DLGAP2: variants seen among roughly 807,000 people sequenced by gnomAD.
The protein encoded by DLGAP2 is disks large-associated protein 2.
Under a neutral mutation model 100.3 loss-of-function variants are expected in DLGAP2, and 26 were observed. The ratio of observed to expected loss-of-function variants is 0.26; its 90% CI spans 0.19 to 0.36. DLGAP2 has a LOEUF of 0.36. DLGAP2 is among the 10% of genes least tolerant of loss of function. The probability of loss-of-function intolerance (pLI) is 1.00; values close to 1 mark genes in which losing one functional copy is unlikely to be tolerated. For synonymous variants in DLGAP2, 886 were observed against 630.1 expected, an observed-to-expected ratio of 1.41 and a Z score of -6.08; for missense variants, 1,858 against 1,453.2, an observed-to-expected ratio of 1.28 and a Z score of -4.53.
At chr8:1,461,602 G>A (rs1466238679) in intron 3 of DLGAP2, among the ~76,000 whole-genome samples, 25 of 47,648 alleles carry the variant, frequency 5.2e-4, no homozygotes, top group African/African-American at 1.7e-3. Context: ...TGTCACGTGG[G>A]CTGGGTGCAG....
chr8:950,630 T>C (rs1799455318), intron 2 of DLGAP2, among the ~76,000 whole-genome samples: 1 of 149,114 alleles, frequency 6.7e-6, no homozygotes, highest in African/African-American at 2.5e-5. Flanking sequence ...TTCTTTTTTT[T>C]TTTTTTTTTG....
At chr8:1,153,849 C>G (rs554479956) in intron 2 of DLGAP2, among the ~76,000 whole-genome samples, 15 of 152,290 alleles carry the variant, frequency 9.8e-5, no homozygotes, top group African/African-American at 3.6e-4. Flanking sequence ...ATAAATGCAT[C>G]TAGCACTTTC....
chr8:1,079,483 G>A (rs1442699618), intron 2 of DLGAP2, among the ~76,000 whole-genome samples: 1 of 152,170 alleles, frequency 6.6e-6, no homozygotes, highest in East Asian at 1.9e-4. Flanking sequence ...GTTGCTTACT[G>A]AGAAACAGAT....
At chr8:1,196,242 T>C (rs1344524601) in intron 2 of DLGAP2, among the ~76,000 whole-genome samples, 2 of 152,216 alleles carry the variant, frequency 1.3e-5, no homozygotes, top group African/African-American at 2.4e-5. Flanking sequence ...AGGCCACGTT[T>C]CACTGTGTGT....
intron 2 of DLGAP2, among the ~76,000 whole-genome samples, chr8:935,420 G>A (rs1456160522): frequency 6.6e-6 from 1 of 152,216 alleles, no homozygotes; most frequent in Non-Finnish European, 1.5e-5. Flanking sequence ...AAACACATGT[G>A]AAGTAGCTTA....
At chr8:1,164,683 T>C (rs1458864521) in intron 2 of DLGAP2, among the ~76,000 whole-genome samples, 1 of 152,216 alleles carries the variant, frequency 6.6e-6, no homozygotes, top group Admixed American at 6.5e-5. Context: ...CTGCATTCTC[T>C]GGATCTCCAT....
intron 3 of DLGAP2, among the ~76,000 whole-genome samples, chr8:1,348,537 A>C (rs1481004082): frequency 2.0e-5 from 3 of 150,928 alleles, no homozygotes; most frequent in Admixed American, 2.0e-4. Flanking sequence ...TTGAGTTCCC[A>C]CATAGAGCTG....
At chr8:1,221,550 G>A (rs1463387104) in intron 2 of DLGAP2, among the ~76,000 whole-genome samples, 2 of 151,960 alleles carry the variant, frequency 1.3e-5, no homozygotes, top group East Asian at 3.9e-4. Context: ...TGCTGACTTT[G>A]GAGAACCTGA....
intron 2 of DLGAP2, among the ~76,000 whole-genome samples, chr8:1,253,536 C>G (rs1250092275): frequency 6.6e-6 from 1 of 152,230 alleles, no homozygotes; most frequent in African/African-American, 2.4e-5. Context: ...GGAGATGCTG[C>G]AGTTTCCTCT....
intron 5 of DLGAP2, among the ~76,000 whole-genome samples, chr8:1,564,937 T>C (rs1802336712): frequency 6.6e-6 from 1 of 152,114 alleles, no homozygotes; most frequent in Non-Finnish European, 1.5e-5. Flanking sequence ...CTGAGTTCCA[T>C]ACCACACAGA....
rs762594358 is a variant in DLGAP2 at position 1,107,229 on chromosome 8, C to G, written c.74-151622C>G. Among the ~76,000 whole-genome samples the G allele has an allele frequency of 5.3e-5, 8 of 152,296 alleles. No individual in the cohort carries two copies. The South Asian group carries it at 1.7e-3, about 32-fold the overall frequency. On this transcript the variant is annotated intron_variant, in intron 2 of 14. Transcript: ENST00000637795. ...ACTTTGCTCCAAGACTTGGTTTTCT[C>G]ATCTGTAAAATGGAGACAATAGCTC...
At chr8:951,095 C>G (rs1300175542) in intron 2 of DLGAP2, among the ~76,000 whole-genome samples, 4 of 152,108 alleles carry the variant, frequency 2.6e-5, no homozygotes, top group Admixed American at 1.3e-4. Context: ...ATTTTTTTAA[C>G]TTAACATTGT....
At chr8:813,255 T>A (rs1467055842) in intron 1 of DLGAP2, among the ~76,000 whole-genome samples, 3 of 152,096 alleles carry the variant, frequency 2.0e-5, no homozygotes, top group African/African-American at 7.2e-5. Flanking sequence ...TTATATTTCC[T>A]TTTCAAAACG....
At chr8:770,910 G>A (rs1014918321) in intron 1 of DLGAP2, among the ~76,000 whole-genome samples, 2 of 151,412 alleles carry the variant, frequency 1.3e-5, no homozygotes, top group African/African-American at 2.4e-5. Context: ...CTTAGGGATG[G>A]AAAAAATTTT....
chr8:1,373,070 A>T (rs1043544287), intron 3 of DLGAP2, among the ~76,000 whole-genome samples: 1 of 152,030 alleles, frequency 6.6e-6, no homozygotes, highest in Non-Finnish European at 1.5e-5. Flanking sequence ...TGGAGTGCGG[A>T]GGCTTCGCTG....
chr8:1,409,687 C>G (rs1050516223), intron 3 of DLGAP2, among the ~76,000 whole-genome samples: 18 of 152,174 alleles, frequency 1.2e-4, no homozygotes, highest in African/African-American at 4.1e-4. Flanking sequence ...ATGAGTAAAG[C>G]AGACCCCACC....
At chr8:873,714 T>C (rs1387572380) in intron 1 of DLGAP2, among the ~76,000 whole-genome samples, 1 of 152,232 alleles carries the variant, frequency 6.6e-6, no homozygotes, top group Non-Finnish European at 1.5e-5. Flanking sequence ...TACCTGCTTT[T>C]TTTCCATTTC....
chr8:953,332 T>G (rs1277157658), intron 2 of DLGAP2, among the ~76,000 whole-genome samples: 1 of 152,120 alleles, frequency 6.6e-6, no homozygotes, highest in Non-Finnish European at 1.5e-5. Flanking sequence ...TAGCTGGGAT[T>G]ACAGACACTT....
rs1452905589 is a variant in DLGAP2, at chr8:1,437,846, C to T, written c.107-63520C>T. Among the ~76,000 whole-genome samples, 3 of 143,706 alleles carry T rather than the reference C, an allele frequency of 2.1e-5. No individual in the cohort carries two copies. In the Admixed American group the frequency reaches 2.1e-4, roughly 10 times the overall value. The allele number at this position is 143,706 out of a possible 152,430, so 94.3% of individuals were successfully genotyped here. On this transcript the variant is annotated intron_variant, in intron 3 of 14. Transcript: ENST00000637795. ...AAAAAAAAAAAAAAAATTAGCCGGG[C>T]GTGATGTCATGTGCCTGTAATCCCA...
Sources: gnomAD v4.1 joint callset for allele counts (sites outside exome capture counted in the v4.1 genomes callset) on GRCh38, gnomAD v4.1.1 for gene constraint, MANE v1.5 for transcripts, NCBI Gene and HGNC (gene_info 2026-07-23, HGNC 2026-07-21) for gene names.